The following CSMD1 variants were observed in gnomAD, a reference collection of about 807,000 sequenced individuals.
The protein encoded by CSMD1 is CUB and Sushi multiple domains 1.
Under a neutral mutation model 417.5 loss-of-function variants are expected in CSMD1, and 213 were observed. The observed-to-expected ratio is 0.51, with a 90% CI of 0.46 to 0.57. The LOEUF is 0.57. CSMD1 is among the 20% of genes least tolerant of loss of function. The pLI is 0.00. For synonymous variants in CSMD1, 2,862 were observed against 1,736.8 expected (o/e 1.65, Z -16.11); for missense variants, 6,923 against 4,529.7 (o/e 1.53, Z -15.17).
At chr8:3,874,240 A>C (rs1488033798) in intron 5 of CSMD1, among the ~76,000 whole-genome samples, 1 of 152,170 alleles carries the variant, frequency 6.6e-6, no homozygotes, top group Non-Finnish European at 1.5e-5. Context: ...TAAAGGATGA[A>C]GAGCATGTTT....
chr8:4,328,247 T>G (rs970169455), intron 3 of CSMD1, among the ~76,000 whole-genome samples: 1 of 65,088 alleles, frequency 1.5e-5, no homozygotes, highest in African/African-American at 6.1e-5. Flanking sequence ...ATACAATTTT[T>G]TTTTTTTTTT....
rs561268418 is a variant in CSMD1, at chr8:3,931,293, A to C, written c.818+66610T>G. ...TGAATTGTTAATAAATGGTATTGTGAAATTTTCAAATAAAATATTTAAGAA... is the reference window on the plus strand; with the variant it reads ...TGAATTGTTAATAAATGGTATTGTGCAATTTTCAAATAAAATATTTAAGAA... On this transcript the variant is annotated intron_variant, in intron 5 of 69. Transcript: ENST00000635120. Among the ~76,000 whole-genome samples the C allele has an allele frequency of 3.6e-4, 54 of 150,722 alleles. 1 individual carries two copies. The highest frequency in any genetic ancestry group is 1.2e-3 in the African/African-American group (49 of 40,962).
intron 31 of CSMD1, among the ~76,000 whole-genome samples, chr8:3,202,447 A>G (rs1282112394): frequency 6.6e-6 from 1 of 152,182 alleles, no homozygotes; most frequent in Non-Finnish European, 1.5e-5. Context: ...AGGTGTGTGA[A>G]CACACCTCCT....
intron 36 of CSMD1, 62 bp downstream of exon 36, chr8:3,187,807 G>C (rs1372077415): frequency 2.5e-6 from 3 of 1,211,602 alleles, no homozygotes; most frequent in South Asian, 1.3e-5. Flanking sequence ...TGTTATTTAT[G>C]TTGTTTTCTT....
At chr8:3,991,738 C>T (rs892725883) in intron 5 of CSMD1, among the ~76,000 whole-genome samples, 3 of 152,074 alleles carry the variant, frequency 2.0e-5, no homozygotes, top group East Asian at 3.9e-4. Context: ...TTGAAATTAG[C>T]GATGAAATGT....
chr8:4,051,153 T>G (rs924542246), intron 3 of CSMD1, among the ~76,000 whole-genome samples: 13 of 151,430 alleles, frequency 8.6e-5, no homozygotes, highest in Admixed American at 1.3e-4. Context: ...AGACCAGGAG[T>G]AGAAAGCAGA....
At chr8:3,825,107 C>T (rs962580462) in intron 5 of CSMD1, among the ~76,000 whole-genome samples, 5 of 152,050 alleles carry the variant, frequency 3.3e-5, no homozygotes, top group African/African-American at 7.2e-5. Flanking sequence ...CAGGCATTTT[C>T]GAGGAAAATG....
intron 10 of CSMD1, among the ~76,000 whole-genome samples, chr8:3,550,336 C>A (rs1332095393): frequency 6.6e-6 from 1 of 152,174 alleles, no homozygotes; most frequent in Non-Finnish European, 1.5e-5. Context: ...ACACAGCAAA[C>A]TCATTCCTAC....
At position 2,955,613 on chromosome 8, in the gene CSMD1, T is replaced by C. The variant is rs1273130047; in HGVS notation, c.9970A>G (p.Thr3324Ala). ...CTTTTACACACAGGCGACTTTCCTG[T>C]CCATTTCATGTCTGCTTTACATGTT... Reference protein sequence around the residue: ...HRTCKADMKWTGKSPVCKSKG... With the variant: ...HRTCKADMKWAGKSPVCKSKG... Residue 3324 changes from threonine to alanine, a missense_variant, in exon 64 of 70, where the codon ACA becomes GCA. Coordinates refer to ENST00000635120, the MANE Select transcript of CSMD1 (RefSeq NM_033225.6). 1 of 1,613,642 alleles carries C rather than the reference T, an allele frequency of 6.2e-7. No homozygotes were observed. Among genetic ancestry groups the C allele is most frequent in the African/African-American group, 1.3e-5 (1 of 74,904 alleles).
intron 5 of CSMD1, among the ~76,000 whole-genome samples, chr8:3,898,574 G>A (rs953518280): frequency 2.0e-5 from 3 of 152,338 alleles, no homozygotes; most frequent in Admixed American, 1.3e-4. Flanking sequence ...AATGGAATAT[G>A]AAGATAGAAA....
At chr8:3,098,171 A>G (rs556608833) in intron 46 of CSMD1, among the ~76,000 whole-genome samples, 2 of 152,364 alleles carry the variant, frequency 1.3e-5, no homozygotes, top group East Asian at 1.9e-4. Flanking sequence ...TAAAAAATGT[A>G]TATCAAAATT....
chr8:3,987,928 C>G (rs1468690279), intron 5 of CSMD1, among the ~76,000 whole-genome samples: 1 of 152,178 alleles, frequency 6.6e-6, no homozygotes, highest in Non-Finnish European at 1.5e-5. Flanking sequence ...ACCGAATGGT[C>G]TCACATCAAA....
At position 3,935,711 on chromosome 8, in the gene CSMD1, C is replaced by T. The variant is rs559456734; in HGVS notation, c.818+62192G>A. Among the ~76,000 whole-genome samples the T allele has an allele frequency of 3.9e-5, 6 of 152,276 alleles. No homozygotes were observed. The East Asian group carries it at 5.8e-4, about 15-fold the overall frequency. ...CCACTGACTGGCCTGGTCACTCCCA[C>T]ATCTCTCTACCTCCTTCATTGGGCC... is the stretch of plus-strand genomic sequence containing the variant. On this transcript the variant is annotated intron_variant, in intron 5 of 69. Coordinates refer to ENST00000635120, the MANE Select transcript of CSMD1 (RefSeq NM_033225.6).
At chr8:3,280,345 T>C (rs2117211978) in intron 26 of CSMD1, among the ~76,000 whole-genome samples, 1 of 152,284 alleles carries the variant, frequency 6.6e-6, no homozygotes, top group Non-Finnish European at 1.5e-5. Context: ...AGACAAAAGG[T>C]CAGTCTCAAA....
intron 3 of CSMD1, among the ~76,000 whole-genome samples, chr8:4,109,247 A>T (rs541999881): frequency 6.6e-6 from 1 of 152,028 alleles, no homozygotes; most frequent in Non-Finnish European, 1.5e-5. Flanking sequence ...TTTTTTTCTG[A>T]ATGTTTTTGA....
chr8:3,544,021 A>G (rs1219012357), intron 10 of CSMD1, among the ~76,000 whole-genome samples: 2 of 152,150 alleles, frequency 1.3e-5, no homozygotes, highest in Admixed American at 6.6e-5. Context: ...AGTAGGTAAT[A>G]AAACAGTCTT....
intron 1 of CSMD1, among the ~76,000 whole-genome samples, chr8:4,947,532 A>G (rs1487294299): frequency 3.9e-5 from 6 of 152,170 alleles, no homozygotes; most frequent in African/African-American, 1.4e-4. Context: ...ATGTGGTCAG[A>G]AAGGTGGCAT....
At chr8:3,597,959 C>A (rs1309454478) in intron 8 of CSMD1, among the ~76,000 whole-genome samples, 2 of 152,184 alleles carry the variant, frequency 1.3e-5, no homozygotes, top group Non-Finnish European at 2.9e-5. Flanking sequence ...ACGTTGTGCA[C>A]ATGTACCCCA....
At chr8:4,993,347 C>T (rs969913724) in intron 1 of CSMD1, among the ~76,000 whole-genome samples, 1 of 138,336 alleles carries the variant, frequency 7.2e-6, no homozygotes, top group Non-Finnish European at 1.7e-5. Context: ...AGGACAGGGG[C>T]AGGTATTTCC....
Sources: allele counts gnomAD v4.1 joint callset (sites outside exome capture counted in the v4.1 genomes callset), GRCh38; gene constraint gnomAD v4.1.1; transcripts MANE v1.5; gene names NCBI Gene and HGNC (gene_info 2026-07-23, HGNC 2026-07-21).